Variants in LRRC4C observed in about 807,000 individuals in gnomAD.
The protein encoded by LRRC4C is leucine-rich repeat-containing protein 4C.
In LRRC4C, 5 loss-of-function variants were observed where a neutral mutation model predicts 33.6. The ratio of observed to expected loss-of-function variants is 0.15; its 90% CI spans 0.08 to 0.31. LRRC4C has a LOEUF of 0.31. Ranked by LOEUF, LRRC4C falls within the 10% of genes least tolerant of loss-of-function variation. The pLI is 1.00. For synonymous variants in LRRC4C, 329 were observed against 302.0 expected, an observed-to-expected ratio of 1.09 and a Z score of -0.93; for missense variants, 560 against 796.7, an observed-to-expected ratio of 0.70 and a Z score of 3.58.
At chr11:41,165,479 T>G (rs931350) in intron 1 of LRRC4C, among the ~76,000 whole-genome samples, 1 of 151,896 alleles carries the variant, frequency 6.6e-6, no homozygotes, top group Admixed American at 6.6e-5. Flanking sequence ...ACACACACCA[T>G]CTTATTTAAT....
intron 1 of LRRC4C, among the ~76,000 whole-genome samples, chr11:41,166,581 TTC>T (rs1020310561): frequency 1.3e-5 from 2 of 152,164 alleles, no homozygotes; most frequent in East Asian, 1.9e-4. Context: ...GTTAGAAATG[TTC>T]TCTTTCCTGA....
intron 3 of LRRC4C, among the ~76,000 whole-genome samples, chr11:40,594,719 T>C (rs1416062345): frequency 2.0e-5 from 3 of 152,192 alleles, no homozygotes; most frequent in Admixed American, 2.0e-4. Flanking sequence ...CTGACATCTC[T>C]GATTTGGGAC....
chr11:41,264,998 C>G (rs1343097850), intron 1 of LRRC4C, among the ~76,000 whole-genome samples: 1 of 152,066 alleles, frequency 6.6e-6, no homozygotes, highest in Non-Finnish European at 1.5e-5. Context: ...GGTAGAAGGA[C>G]AAGTAAATAT....
At chr11:41,376,050 G>A (rs574320174) in intron 1 of LRRC4C, among the ~76,000 whole-genome samples, 9 of 151,392 alleles carry the variant, frequency 5.9e-5, no homozygotes, top group African/African-American at 1.2e-4. Context: ...GATCTTAAAC[G>A]TCATGGAAAT....
chr11:41,382,870 G>A (rs1318474375), intron 1 of LRRC4C, among the ~76,000 whole-genome samples: 4 of 152,022 alleles, frequency 2.6e-5, no homozygotes, highest in Non-Finnish European at 5.9e-5. Context: ...GGACAAGTTG[G>A]GTTTTATGCC....
chr11:40,308,378 A>G (rs953330777), intron 4 of LRRC4C, among the ~76,000 whole-genome samples: 8 of 152,212 alleles, frequency 5.3e-5, no homozygotes, highest in African/African-American at 1.9e-4. Flanking sequence ...AGCATTGTAA[A>G]TATGTTACAT....
At chr11:40,551,367 A>G (rs1246904985) in intron 3 of LRRC4C, among the ~76,000 whole-genome samples, 2 of 152,042 alleles carry the variant, frequency 1.3e-5, no homozygotes, top group African/African-American at 2.4e-5. Context: ...CTGTTCCAAT[A>G]TTTCATGACT....
chr11:40,563,658 A>C (rs564165739), intron 3 of LRRC4C, among the ~76,000 whole-genome samples: 2 of 152,298 alleles, frequency 1.3e-5, no homozygotes, highest in East Asian at 1.9e-4. Context: ...AGATGTGTAC[A>C]TTCTCGAGCC....
At chr11:40,741,853 T>C (rs1948170247) in intron 2 of LRRC4C, among the ~76,000 whole-genome samples, 1 of 152,030 alleles carries the variant, frequency 6.6e-6, no homozygotes, top group Non-Finnish European at 1.5e-5. Context: ...TTTATGCTCT[T>C]CATTATAAAC....
chr11:41,263,931 A>G (rs2058621575), intron 1 of LRRC4C, among the ~76,000 whole-genome samples: 1 of 152,122 alleles, frequency 6.6e-6, no homozygotes, highest in Non-Finnish European at 1.5e-5. Context: ...GCGGGATGAG[A>G]TAAGAAGCCA....
intron 3 of LRRC4C, among the ~76,000 whole-genome samples, chr11:40,605,935 T>C (rs1471937667): frequency 2.0e-5 from 3 of 152,128 alleles, no homozygotes; most frequent in African/African-American, 7.2e-5. Flanking sequence ...CTTCTTCTCT[T>C]GTTTTGGAGT....
intron 1 of LRRC4C, among the ~76,000 whole-genome samples, chr11:41,264,170 C>A (rs1163204862): frequency 6.7e-6 from 1 of 150,366 alleles, no homozygotes. Context: ...TGGCTCACTG[C>A]AACCTCCGCC....
At chr11:40,178,394 C>A (rs766538522) in intron 5 of LRRC4C, among the ~76,000 whole-genome samples, 5 of 152,154 alleles carry the variant, frequency 3.3e-5, no homozygotes, top group Non-Finnish European at 5.9e-5. Context: ...AAACAAACAA[C>A]TGTATACAAC....
chr11:41,163,059 A>T (rs1441754289), intron 1 of LRRC4C, among the ~76,000 whole-genome samples: 2 of 152,042 alleles, frequency 1.3e-5, no homozygotes, highest in African/African-American at 4.8e-5. Context: ...GTCTCACAAG[A>T]TCTGATGGTT....
At chr11:40,956,358 T>A (rs533096909) in intron 1 of LRRC4C, among the ~76,000 whole-genome samples, 1 of 151,718 alleles carries the variant, frequency 6.6e-6, no homozygotes, top group Non-Finnish European at 1.5e-5. Context: ...GTGATTTAGG[T>A]AGTGAGCATT....
At chr11:41,457,985 A>G (rs763829035) in intron 1 of LRRC4C, among the ~76,000 whole-genome samples, 101 of 152,140 alleles carry the variant, frequency 6.6e-4, no homozygotes, top group Non-Finnish European at 7.6e-4. Flanking sequence ...TTCTTTTTGT[A>G]ACTCCTTTTT....
intron 6 of LRRC4C, among the ~76,000 whole-genome samples, chr11:40,133,693 G>C (rs759421022): frequency 5.3e-5 from 8 of 152,146 alleles, no homozygotes; most frequent in Non-Finnish European, 8.8e-5. Context: ...TCCACTGAGG[G>C]AGTGTGTATG....
intron 1 of LRRC4C, among the ~76,000 whole-genome samples, chr11:41,178,130 A>G (rs1945284365): frequency 6.6e-6 from 1 of 152,228 alleles, no homozygotes. Context: ...ATGTTGGCCT[A>G]TTGAACGAGA....
chr11:40,547,755 C>T (rs955096419), intron 3 of LRRC4C, among the ~76,000 whole-genome samples: 1 of 152,048 alleles, frequency 6.6e-6, no homozygotes, highest in African/African-American at 2.4e-5. Context: ...ATGTTGGGTG[C>T]TCTCACCTAC....
Sources: gnomAD v4.1 joint callset for allele counts (sites outside exome capture counted in the v4.1 genomes callset) on GRCh38, gnomAD v4.1.1 for gene constraint, MANE v1.5 for transcripts, NCBI Gene and HGNC (gene_info 2026-07-23, HGNC 2026-07-21) for gene names.